COL14A1: variants seen among roughly 807,000 people sequenced by gnomAD.
COL14A1 encodes collagen alpha-1(XIV) chain.
A neutral mutation model predicts 230.3 loss-of-function variants in COL14A1; 136 were observed. The ratio of observed to expected loss-of-function variants is 0.59; its 90% CI spans 0.51 to 0.68. The LOEUF (loss-of-function observed/expected upper bound fraction) is 0.68, where lower values mean the gene tolerates loss of function less well. Ranked by LOEUF, COL14A1 falls within the 30% of genes least tolerant of loss-of-function variation. The pLI, the probability that COL14A1 is intolerant of heterozygous loss-of-function variation, is 0.00. For missense variants in COL14A1, 1,976 were observed against 2,215.8 expected (o/e 0.89, Z 2.17); for synonymous variants, 792 against 784.1 (o/e 1.01, Z -0.17).
chr8:120,138,727 T>C (rs956584300), intron 1 of COL14A1, among the ~76,000 whole-genome samples: 5 of 152,324 alleles, frequency 3.3e-5, no homozygotes, highest in African/African-American at 1.2e-4. Flanking sequence ...TTTATGATTC[T>C]GGATGTGAGG....
At chr8:120,174,896 C>T (rs1395217465) in intron 5 of COL14A1, among the ~76,000 whole-genome samples, 1 of 152,110 alleles carries the variant, frequency 6.6e-6, no homozygotes, top group African/African-American at 2.4e-5. Context: ...CCACTGGAGA[C>T]AAAAGATGCC....
chr8:120,302,526 C>G (rs371870553), intron 36 of COL14A1, among the ~76,000 whole-genome samples: 17 of 152,192 alleles, frequency 1.1e-4, no homozygotes, highest in African/African-American at 3.9e-4. Context: ...TTTTTGTCAG[C>G]TCTGCTGAAG....
intron 37 of COL14A1, 34 bp from the exon 38 acceptor site, chr8:120,313,898 A>T: frequency 7.3e-7 from 1 of 1,371,980 alleles, no homozygotes; most frequent in South Asian, 1.2e-5. Flanking sequence ...AGTCTAACTT[A>T]CTTTTAGGAT....
intron 23 of COL14A1, among the ~76,000 whole-genome samples, chr8:120,259,391 A>AT (rs919011924): frequency 3.9e-4 from 60 of 152,214 alleles, no homozygotes; most frequent in African/African-American, 1.3e-3. Flanking sequence ...ATAAAGACAG[A>AT]TTTTTTCCCT....
chr8:120,301,519 A>G (rs543884782), intron 36 of COL14A1, among the ~76,000 whole-genome samples: 126 of 152,212 alleles, frequency 8.3e-4, no homozygotes, highest in African/African-American at 1.9e-3. Flanking sequence ...CCATGTTCCC[A>G]CAAAAGACAT....
chr8:120,345,761 C>T (rs995792658), intron 45 of COL14A1, among the ~76,000 whole-genome samples, 198 bp downstream of exon 45: 1 of 152,134 alleles, frequency 6.6e-6, no homozygotes. Flanking sequence ...TTATCTAGAG[C>T]CATATCTACT....
chr8:120,189,720 T>C (rs1160530385), intron 5 of COL14A1, among the ~76,000 whole-genome samples: 1 of 130,742 alleles, frequency 7.6e-6, no homozygotes, highest in Non-Finnish European at 1.7e-5. Context: ...CACCTATGAG[T>C]GAGAACATGC....
Position 120,209,539 on chromosome 8 carries a change from T to C in COL14A1, c.1322-217T>C, listed in dbSNP as rs1164366487. 2.0e-5 allele frequency among the ~76,000 whole-genome samples: 3 copies of C among 152,006 alleles called. No homozygotes were observed. In the East Asian group the frequency reaches 5.8e-4, roughly 29 times the overall value. On this transcript the variant is annotated intron_variant, in intron 11 of 47. Coordinates refer to ENST00000297848, the MANE Select transcript of COL14A1 (RefSeq NM_021110.4). ...GAACTTGACACTGTGGTTAGAAGAG[T>C]AGGGCAGGGTCACATTAGGGAGGGT...
At chr8:120,186,577 C>T (rs749140993) in intron 5 of COL14A1, among the ~76,000 whole-genome samples, 5 of 152,148 alleles carry the variant, frequency 3.3e-5, no homozygotes, top group African/African-American at 1.2e-4. Context: ...TTCAACTTAG[C>T]CTCCAGCATT....
At chr8:120,358,911 G>T (rs1296844469) in intron 45 of COL14A1, among the ~76,000 whole-genome samples, 7 of 152,076 alleles carry the variant, frequency 4.6e-5, no homozygotes, top group Admixed American at 2.0e-4. Flanking sequence ...GCAGAGAAAA[G>T]ATATATTCAT....
intron 26 of COL14A1, among the ~76,000 whole-genome samples, chr8:120,272,589 G>A (rs1819702245): frequency 6.6e-6 from 1 of 151,350 alleles, no homozygotes; most frequent in South Asian, 2.1e-4. Context: ...CAAAGTAAAG[G>A]GGTAAAAGAA....
chr8:120,308,443 A>G (rs7006555), intron 36 of COL14A1, among the ~76,000 whole-genome samples: 68,851 of 152,156 alleles, frequency 0.45, 15,780 homozygotes, highest in East Asian at 0.55. Flanking sequence ...AAAAATCACT[A>G]AAGCATATTA....
chr8:120,149,243 G>C (rs1417829724), intron 2 of COL14A1, among the ~76,000 whole-genome samples: 1 of 152,198 alleles, frequency 6.6e-6, no homozygotes, highest in East Asian at 1.9e-4. Context: ...TTGTAGAAAA[G>C]ATCAATGCAT....
chr8:120,271,399 GA>G (rs945914167), intron 26 of COL14A1, among the ~76,000 whole-genome samples: 2 of 151,332 alleles, frequency 1.3e-5, no homozygotes, highest in Non-Finnish European at 3.0e-5. Flanking sequence ...AAAAACAAGA[GA>G]AAAGGGACAG....
intron 5 of COL14A1, among the ~76,000 whole-genome samples, chr8:120,180,632 T>TC (rs1041921023): frequency 6.7e-6 from 1 of 148,854 alleles, no homozygotes; most frequent in Admixed American, 6.8e-5. Context: ...GGCAATGAAG[T>TC]CCCCCCCAGA....
intron 1 of COL14A1, among the ~76,000 whole-genome samples, chr8:120,126,857 G>A (rs1375365992): frequency 6.6e-6 from 1 of 152,192 alleles, no homozygotes; most frequent in Non-Finnish European, 1.5e-5. Context: ...GAGTAACTTG[G>A]ATTCCTTTGA....
chr8:120,341,406 C>G, intron 43 of COL14A1, 46 bp downstream of exon 43: 2 of 1,588,080 alleles, frequency 1.3e-6, no homozygotes, highest in Non-Finnish European at 1.7e-6. Context: ...TTGTTGCACC[C>G]CTTCCATTGC....
intron 40 of COL14A1, among the ~76,000 whole-genome samples, chr8:120,324,679 G>A (rs915939571): frequency 2.0e-5 from 3 of 152,076 alleles, no homozygotes; most frequent in Admixed American, 6.6e-5. Context: ...CACTCTAACC[G>A]AGAGTGTAGC....
At chr8:120,190,196 A>G (rs912511844) in intron 5 of COL14A1, among the ~76,000 whole-genome samples, 2 of 151,982 alleles carry the variant, frequency 1.3e-5, no homozygotes, top group Middle Eastern at 3.2e-3. Context: ...GTGAGATGGT[A>G]TCTCATTATG....
Sources: allele counts gnomAD v4.1 joint callset (sites outside exome capture counted in the v4.1 genomes callset), GRCh38; gene constraint gnomAD v4.1.1; transcripts MANE v1.5; gene names NCBI Gene and HGNC (gene_info 2026-07-23, HGNC 2026-07-21).